The following GPN1 variants were observed in gnomAD, a reference collection of about 807,000 sequenced individuals.
GPN1 encodes the protein GPN-loop GTPase 1.
GPN1 carries 44 observed loss-of-function variants against 55.9 expected under a neutral mutation model. The observed-to-expected ratio is 0.79, with a 90% CI of 0.62 to 1.01. GPN1 has a LOEUF of 1.01. Among genes scored for constraint, GPN1 ranks in the 50% least tolerant of loss-of-function variants. The pLI, the probability that GPN1 is intolerant of heterozygous loss-of-function variation, is 0.00. For missense variants in GPN1, 466 were observed against 462.8 expected (o/e 1.01, Z -0.06); for synonymous variants, 179 against 162.5 (o/e 1.10, Z -0.77).
intron 3 of GPN1, 104 bp from the exon 4 acceptor site, chr2:27,631,730 T>G (rs1673559831): frequency 1.3e-6 from 1 of 774,946 alleles, no homozygotes; most frequent in African/African-American, 1.7e-5. Flanking sequence ...CAGTATCCAT[T>G]AATGGAACAC....
Position 27,651,496 on chromosome 2 carries a change from G to A in GPN1, c.*1296G>A, listed in dbSNP as rs1674548858. On this transcript the variant is annotated 3_prime_UTR_variant, in exon 14 of 14. Transcript: ENST00000610189. ...TTTAACATTCTGCAGCAATAAAAGT[G>A]TTTTATTATAAAGTATTAATTTTAA... 1 of 152,338 alleles carries A rather than the reference G, an allele frequency of 6.6e-6. No individual in the cohort carries two copies. The highest frequency in any genetic ancestry group is 2.4e-5 in the African/African-American group (1 of 41,436). 9.4% of individuals were successfully genotyped at this position (152,338 alleles called of 1,614,324 possible). A position where few individuals can be genotyped will look rare whatever the true frequency, so the allele number is the denominator to read the frequency against.
At chr2:27,634,990 T>G in intron 6 of GPN1, 66 bp downstream of exon 6, 1 of 1,052,442 alleles carries the variant, frequency 9.5e-7, no homozygotes, top group Admixed American at 1.7e-5. Context: ...CATTTATTTT[T>G]AATTGCCTTG....
At chr2:27,642,876 T>C (rs12472833) in intron 12 of GPN1, among the ~76,000 whole-genome samples, 3,868 of 151,796 alleles carry the variant, frequency 0.025, 411 homozygotes, top group Admixed American at 0.19. Context: ...GTTACACTTA[T>C]TTCTATCAGC....
At chr2:27,636,183 T>G (rs1408658535) in intron 7 of GPN1, among the ~76,000 whole-genome samples, 2 of 152,140 alleles carry the variant, frequency 1.3e-5, no homozygotes, top group African/African-American at 4.8e-5. Flanking sequence ...GTCACTGTAC[T>G]CCAGGCTGGG....
Position 27,647,931 on chromosome 2 carries a change from A to G in GPN1, c.1027A>G (p.Ile343Val). 1 of 1,604,468 alleles carries G rather than the reference A, an allele frequency of 6.2e-7. No individual in the cohort carries two copies. The highest frequency in any genetic ancestry group is 1.3e-5 in the African/African-American group (1 of 74,864). Residue 343 changes from isoleucine (I) to valine (V), a missense_variant, in exon 13 of 14, where the codon ATT becomes GTT. Coordinates refer to ENST00000610189, the MANE Select transcript of GPN1 (RefSeq NM_007266.4). ...GGAAGCAGACAGCGATACTGATGACATTGACCACAGAGGTGAGAGGTGGCT... is the reference window on the plus strand; with the variant it reads ...GGAAGCAGACAGCGATACTGATGACGTTGACCACAGAGGTGAGAGGTGGCT... ...DEEADSDTDD[I>V]DHRVTEESHE...
Position 27,631,860 on chromosome 2 carries a change from T to C in GPN1, c.272T>C (p.Ile91Thr). 6.2e-7 allele frequency: 1 copy of C among 1,603,196 alleles called. No individual in the cohort carries two copies. Among genetic ancestry groups the C allele is most frequent in the Non-Finnish European group, 8.5e-7 (1 of 1,170,026 alleles). Residue 91 changes from isoleucine (I) to threonine (T), a missense_variant, in exon 4 of 14, where the codon ATA (isoleucine) becomes ACA (threonine). Ile to Thr is a moderately conservative substitution (Grantham distance 89). Transcript: ENST00000610189. ...KQYGLGPNGG[I>T]VTSLNLFATR... ...TATGGACTTGGACCCAATGGCGGCA[T>C]AGTGACCTCACTCAATCTCTTTGCT...
chr2:27,635,176 G>T lies in GPN1; in HGVS notation c.466G>T (p.Asp156Tyr). 1.9e-6 allele frequency: 3 copies of T among 1,605,150 alleles called. No homozygotes were observed. The highest frequency in any genetic ancestry group is 1.7e-6 in the Non-Finnish European group (2 of 1,172,616). ...SFPTVVIYVM[D>Y]TSRSTNPVTF... The stretch of plus-strand genomic sequence containing the variant: ...TCCAACAGTTGTCATCTATGTAATG[G>T]ACACATCGAGAAGTACCAACCCAGT... The change falls in exon 7 of 14, where the codon GAC (aspartate) becomes TAC (tyrosine). Residue 156 changes from aspartate (D) to tyrosine (Y), a missense_variant. Coordinates refer to ENST00000610189, the MANE Select transcript of GPN1 (RefSeq NM_007266.4).
intron 11 of GPN1, 54 bp from the exon 12 acceptor site, chr2:27,642,375 A>G (rs1490096528): frequency 9.6e-7 from 1 of 1,045,166 alleles, no homozygotes; most frequent in Admixed American, 1.8e-5. Flanking sequence ...GAAGTCTGGC[A>G]TCTAATTTGG....
intron 1 of GPN1, chr2:27,629,466 A>G (rs542913478): frequency 1.4e-6 from 2 of 1,395,528 alleles, no homozygotes; most frequent in South Asian, 1.2e-5. Flanking sequence ...AACTTTAAAG[A>G]TTAATACAGT....
Position 27,650,232 on chromosome 2 carries a change from A to C in GPN1, c.*32A>C, listed in dbSNP as rs375952627. 9.7e-6 allele frequency: 13 copies of C among 1,334,434 alleles called. No individual in the cohort carries two copies. The highest frequency in any genetic ancestry group is 1.3e-5 in the Non-Finnish European group (12 of 929,140). The allele number at this position is 1,334,434 out of a possible 1,614,324, so 82.7% of individuals were successfully genotyped here. The stretch of plus-strand genomic sequence containing the variant: ...TTAGCACACTTCACTTGTTTCTAGA[A>C]GTCCAGAATTTTGGACCTCCACGTG... On this transcript the variant is annotated 3_prime_UTR_variant, in exon 14 of 14. Transcript: ENST00000610189.
intron 7 of GPN1, among the ~76,000 whole-genome samples, chr2:27,636,343 T>C (rs1204744011): frequency 6.6e-6 from 1 of 152,218 alleles, no homozygotes; most frequent in African/African-American, 2.4e-5. Context: ...GAGAATTTAA[T>C]TTTGAGGGTA....
At chr2:27,633,051 G>A (rs1327013255) in intron 5 of GPN1, among the ~76,000 whole-genome samples, 1 of 152,124 alleles carries the variant, frequency 6.6e-6, no homozygotes, top group African/African-American at 2.4e-5. Flanking sequence ...AATTTACAGA[G>A]TGTCAGAATA....
rs779190485 is a variant in GPN1, at chr2:27,631,916, G to C, written c.312+16G>C. The C allele has an allele frequency of 7.2e-7, 1 of 1,398,158 alleles. No homozygotes were observed. The highest frequency in any genetic ancestry group is 1.0e-6 in the Non-Finnish European group (1 of 982,570). The allele number at this position is 1,398,158 out of a possible 1,614,324, so 86.6% of individuals were successfully genotyped here. A position where few individuals can be genotyped will look rare whatever the true frequency, so the allele number is the denominator to read the frequency against. ...ATTTGATCAGGTATATCTGTCTTTA[G>C]TATATTAATATGGTTGTGTAAAAAT... On this transcript the variant is annotated intron_variant, in intron 4 of 13. Coordinates refer to ENST00000610189, the MANE Select transcript of GPN1 (RefSeq NM_007266.4).
chr2:27,633,144 A>G (rs1673612525), intron 5 of GPN1, among the ~76,000 whole-genome samples: 1 of 152,204 alleles, frequency 6.6e-6, no homozygotes. Flanking sequence ...TTATTGTTTT[A>G]TAAAAATTCA....
chr2:27,640,299 G>T (rs910555884), intron 10 of GPN1, among the ~76,000 whole-genome samples, 174 bp downstream of exon 10: 21 of 151,828 alleles, frequency 1.4e-4, no homozygotes, highest in Non-Finnish European at 2.9e-5. Flanking sequence ...TTTAAATTTT[G>T]TTTTTTTTAA....
At chr2:27,634,946 A>C (rs1673675472) in intron 6 of GPN1, 22 bp downstream of exon 6, 4 of 1,411,300 alleles carry the variant, frequency 2.8e-6, no homozygotes, top group Non-Finnish European at 3.0e-6. Context: ...AGGACTTGCT[A>C]CTGAGAGTAG....
intron 13 of GPN1, among the ~76,000 whole-genome samples, chr2:27,649,717 T>C (rs1674433831): frequency 6.6e-6 from 1 of 152,256 alleles, no homozygotes; most frequent in Non-Finnish European, 1.5e-5. Flanking sequence ...TTTTTATTGC[T>C]GAGTGATATT....
intron 7 of GPN1, among the ~76,000 whole-genome samples, chr2:27,637,270 A>C (rs559688579): frequency 3.3e-4 from 50 of 152,306 alleles, no homozygotes; most frequent in South Asian, 1.7e-3. Context: ...TTAACTGTTC[A>C]TTAAGTGAAG....
In GPN1 at chr2:27,637,389, A is replaced by G. The variant is rs566248500; in HGVS notation, c.525-821A>G. Reference sequence around the variant, plus strand: ...GGCAGAGGTGGAAGAAAAGGTGCATATGAGTAAACCTTGCAGTTCAAACCT... The same window carrying G: ...GGCAGAGGTGGAAGAAAAGGTGCATGTGAGTAAACCTTGCAGTTCAAACCT... On this transcript the variant is annotated intron_variant, in intron 7 of 13. Transcript: ENST00000610189. Among the ~76,000 whole-genome samples the G allele has an allele frequency of 2.1e-3, 325 of 152,304 alleles. 2 individuals are homozygous for G. In the Middle Eastern group the frequency reaches 0.031, roughly 14 times the overall value.
Sources: gnomAD v4.1 joint callset for allele counts (sites outside exome capture counted in the v4.1 genomes callset) on GRCh38, gnomAD v4.1.1 for gene constraint, MANE v1.5 for transcripts, NCBI Gene and HGNC (gene_info 2026-07-23, HGNC 2026-07-21) for gene names.